The following TENM2 variants were observed in gnomAD, a reference collection of about 807,000 sequenced individuals.
The protein encoded by TENM2 is teneurin-2.
A neutral mutation model predicts 245.2 loss-of-function variants in TENM2; 52 were observed. That is an observed-to-expected ratio of 0.21 (90% CI 0.17 to 0.27). The LOEUF is 0.27. Among genes scored for constraint, TENM2 ranks in the 10% least tolerant of loss-of-function variants. The probability of loss-of-function intolerance (pLI) is 1.00; values close to 1 mark genes in which losing one functional copy is unlikely to be tolerated. For missense variants in TENM2, 3,046 were observed against 3,666.8 expected (o/e 0.83, Z 4.37); for synonymous variants, 1,363 against 1,438.9 (o/e 0.95, Z 1.19).
Position 168,081,952 on chromosome 5 carries a change from C to T in TENM2, c.1516-8622C>T, listed in dbSNP as rs62411674. 6.2e-3 allele frequency among the ~76,000 whole-genome samples: 940 copies of T among 152,202 alleles called. 19 individuals carry two copies. Among genetic ancestry groups the T allele is most frequent in the African/African-American group, 0.022 (894 of 41,548 alleles). ...AGGAGTATCTTTGTGGCATTCTCTT[C>T]ATTTCCTGAATTTGAATGTTGGCCT... On this transcript the variant is annotated intron_variant, in intron 7 of 28. Coordinates refer to ENST00000518659, the Ensembl canonical transcript of TENM2.
At chr5:168,094,876 G>C (rs912583995) in intron 8 of TENM2, among the ~76,000 whole-genome samples, 1 of 151,922 alleles carries the variant, frequency 6.6e-6, no homozygotes, top group South Asian at 2.1e-4. Context: ...ACTGAGCTCC[G>C]CCCCCTGTCA....
intron 2 of TENM2, among the ~76,000 whole-genome samples, chr5:167,559,063 A>G (rs1006926384): frequency 1.3e-5 from 2 of 152,202 alleles, no homozygotes; most frequent in African/African-American, 4.8e-5. Flanking sequence ...TAATGAATGA[A>G]CATAAACTCA....
At chr5:167,386,817 C>T (rs1299607669) in intron 2 of TENM2, among the ~76,000 whole-genome samples, 4 of 151,974 alleles carry the variant, frequency 2.6e-5, no homozygotes, top group African/African-American at 9.7e-5. Context: ...AGATCAGTTC[C>T]TGCAAGTATT....
chr5:167,255,172 T>C, the TENM2 span, among the ~76,000 whole-genome samples: 1 of 151,926 alleles, frequency 6.6e-6, no homozygotes, highest in Non-Finnish European at 1.5e-5. Flanking sequence ...TCCCTAATTC[T>C]GTCAAATTAC....
At chr5:167,591,816 CA>C (rs1344422801) in intron 2 of TENM2, among the ~76,000 whole-genome samples, 2 of 152,196 alleles carry the variant, frequency 1.3e-5, no homozygotes, top group African/African-American at 4.8e-5. Flanking sequence ...TCTCAATAAT[CA>C]TTGACAAGAA....
At chr5:167,558,581 C>A (rs1340160800) in intron 2 of TENM2, among the ~76,000 whole-genome samples, 1 of 152,142 alleles carries the variant, frequency 6.6e-6, no homozygotes, top group Admixed American at 6.5e-5. Context: ...ATGAAATGCG[C>A]ATGCATGGGA....
the TENM2 span, among the ~76,000 whole-genome samples, chr5:167,092,319 A>G: frequency 6.6e-6 from 1 of 151,704 alleles, no homozygotes; most frequent in Non-Finnish European, 1.5e-5. Context: ...ACGTCGGCAG[A>G]GTTGAGTGAT....
chr5:167,365,070 A>C (rs544753701), intron 1 of TENM2, among the ~76,000 whole-genome samples: 4 of 152,060 alleles, frequency 2.6e-5, no homozygotes, highest in Non-Finnish European at 5.9e-5. Flanking sequence ...AAGTCTCAAT[A>C]AGTTTCAAGA....
At chr5:167,652,005 T>A (rs2150291067) in intron 2 of TENM2, among the ~76,000 whole-genome samples, 1 of 152,326 alleles carries the variant, frequency 6.6e-6, no homozygotes, top group African/African-American at 2.4e-5. Flanking sequence ...CCTTAATTTC[T>A]ACAGCTGTGA....
the TENM2 span, among the ~76,000 whole-genome samples, chr5:167,264,794 C>A: frequency 1.3e-5 from 2 of 152,076 alleles, no homozygotes; most frequent in Non-Finnish European, 2.9e-5. Context: ...TTACACACTT[C>A]GGGCATTTAA....
At chr5:167,891,246 T>C (rs1774731632) in intron 3 of TENM2, among the ~76,000 whole-genome samples, 2 of 152,180 alleles carry the variant, frequency 1.3e-5, no homozygotes, top group Non-Finnish European at 2.9e-5. Flanking sequence ...AGACAAATTT[T>C]GTGGTTCCTT....
intron 12 of TENM2, among the ~76,000 whole-genome samples, chr5:168,136,311 C>G (rs943540428): frequency 6.6e-6 from 1 of 152,208 alleles, no homozygotes; most frequent in Non-Finnish European, 1.5e-5. Flanking sequence ...TCACTCCACA[C>G]TTTCATCCCA....
chr5:168,036,643 AATAT>A (rs61665761), intron 5 of TENM2, among the ~76,000 whole-genome samples: 8 of 73,810 alleles, frequency 1.1e-4, no homozygotes, highest in African/African-American at 3.4e-4. Context: ...TCAAAAAAAA[AATAT>A]ATATATATAT....
At chr5:167,001,300 TGGGTTACTC>T in the TENM2 span, among the ~76,000 whole-genome samples, 1 of 152,096 alleles carries the variant, frequency 6.6e-6, no homozygotes, top group African/African-American at 2.4e-5. Flanking sequence ...AAAACTATCG[TGGGTTACTC>T]TTATTTTCTT....
At chr5:167,663,513 A>G (rs1005466153) in intron 2 of TENM2, among the ~76,000 whole-genome samples, 1 of 152,072 alleles carries the variant, frequency 6.6e-6, no homozygotes, top group African/African-American at 2.4e-5. Context: ...ATTGTCTTCA[A>G]TGTTATGCAG....
intron 2 of TENM2, among the ~76,000 whole-genome samples, chr5:167,437,008 C>A (rs1292517879): frequency 6.6e-6 from 1 of 152,156 alleles, no homozygotes; most frequent in Non-Finnish European, 1.5e-5. Context: ...GGGTTGGAGC[C>A]CCCTCACAGA....
At chr5:167,463,050 C>T (rs181608708) in intron 2 of TENM2, among the ~76,000 whole-genome samples, 61 of 152,056 alleles carry the variant, frequency 4.0e-4, no homozygotes, top group African/African-American at 1.4e-3. Flanking sequence ...TTTTCTATAC[C>T]GTAAGGTGCT....
intron 4 of TENM2, among the ~76,000 whole-genome samples, chr5:167,960,575 C>T (rs1442262569): frequency 2.7e-5 from 4 of 147,002 alleles, no homozygotes; most frequent in Non-Finnish European, 4.5e-5. Context: ...CCCAGGTCAA[C>T]TTCAGACTGC....
At chr5:167,973,771 G>GA (rs1430692452) in intron 4 of TENM2, among the ~76,000 whole-genome samples, 3 of 152,076 alleles carry the variant, frequency 2.0e-5, no homozygotes, top group Admixed American at 2.0e-4. Flanking sequence ...TGAGACTCAG[G>GA]AGGCAGGGTA....
Sources: allele counts gnomAD v4.1 joint callset (sites outside exome capture counted in the v4.1 genomes callset), GRCh38; gene constraint gnomAD v4.1.1; transcripts MANE v1.5; gene names NCBI Gene and HGNC (gene_info 2026-07-23, HGNC 2026-07-21).